Variants in RAP1A observed in about 807,000 individuals in gnomAD.
RAP1A encodes RAP1A, member of RAS oncogene family, also known as ras-related protein Rap-1A.
In RAP1A, 6 loss-of-function variants were observed where a neutral mutation model predicts 26.4. That is an observed-to-expected ratio of 0.23 (90% CI 0.12 to 0.45). The LOEUF (loss-of-function observed/expected upper bound fraction) is 0.45, where lower values mean the gene tolerates loss of function less well. Among genes scored for constraint, RAP1A ranks in the 20% least tolerant of loss-of-function variants. The pLI is 0.99. For missense variants in RAP1A, 121 were observed against 217.2 expected, an observed-to-expected ratio of 0.56 and a Z score of 2.78; for synonymous variants, 73 against 79.4, an observed-to-expected ratio of 0.92 and a Z score of 0.43.
chr1:111,693,628 C>T (rs541016850), intron 2 of RAP1A, among the ~76,000 whole-genome samples: 1 of 152,268 alleles, frequency 6.6e-6, no homozygotes, highest in Non-Finnish European at 1.5e-5. Flanking sequence ...GATTGTTTTG[C>T]ATTTTTGCAA....
chr1:111,621,654 G>A (rs907226698), intron 1 of RAP1A, among the ~76,000 whole-genome samples: 1 of 152,128 alleles, frequency 6.6e-6, no homozygotes, highest in Non-Finnish European at 1.5e-5. Context: ...TTGTAAGATA[G>A]TAATTCTTAA....
chr1:111,707,524 A>C (rs975129431), intron 6 of RAP1A, among the ~76,000 whole-genome samples: 1 of 152,234 alleles, frequency 6.6e-6, no homozygotes, highest in East Asian at 1.9e-4. Context: ...ACATTGTCTT[A>C]CACAACCACA....
At chr1:111,614,573 G>A (rs1658982331) in intron 1 of RAP1A, among the ~76,000 whole-genome samples, 1 of 152,180 alleles carries the variant, frequency 6.6e-6, no homozygotes, top group Admixed American at 6.5e-5. Flanking sequence ...TAAGTTTGGG[G>A]AGGAAGAAAT....
chr1:111,550,472 T>C (rs1336060514), intron 1 of RAP1A, among the ~76,000 whole-genome samples: 3 of 152,212 alleles, frequency 2.0e-5, no homozygotes, highest in African/African-American at 7.2e-5. Flanking sequence ...CAACTAACTG[T>C]AAATTTCCCT....
rs187574867 is a variant in RAP1A, at chr1:111,624,553, A to G, written c.-28+4619A>G. Among the ~76,000 whole-genome samples, 196 of 152,316 alleles carry G rather than the reference A, an allele frequency of 1.3e-3. 1 individual carries two copies. Among genetic ancestry groups the G allele is most frequent in the Non-Finnish European group, 2.0e-3 (136 of 68,010 alleles). On this transcript the variant is annotated intron_variant, in intron 1 of 7. Coordinates refer to ENST00000369709, the MANE Select transcript of RAP1A (RefSeq NM_002884.4). ...AATGATCCAGATGAGTATTGAACCT[A>G]TAAGCTTAGCTTTGTTCATTATCAT... is the stretch of plus-strand genomic sequence containing the variant.
chr1:111,612,833 G>C (rs1181298542), intron 1 of RAP1A, among the ~76,000 whole-genome samples: 1 of 152,148 alleles, frequency 6.6e-6, no homozygotes, highest in Admixed American at 6.5e-5. Flanking sequence ...AATAGTAATA[G>C]ATATATTTAT....
intron 1 of RAP1A, chr1:111,648,448 G>C (rs374978070): frequency 1.8e-6 from 1 of 558,338 alleles, no homozygotes; most frequent in Non-Finnish European, 3.3e-6. Context: ...GGTAGGTGGC[G>C]ATCTCAGCCT....
intron 1 of RAP1A, among the ~76,000 whole-genome samples, chr1:111,672,097 C>T (rs953478286): frequency 2.1e-5 from 3 of 143,526 alleles, no homozygotes; most frequent in Non-Finnish European, 4.5e-5. Flanking sequence ...TTCTATATGT[C>T]TCTTAAGTTG....
intron 1 of RAP1A, chr1:111,600,149 C>T (rs1343273378): frequency 6.6e-6 from 1 of 152,280 alleles, no homozygotes; most frequent in Non-Finnish European, 1.5e-5. Flanking sequence ...TACTCAGCCT[C>T]AGGTGTTTAT....
At chr1:111,711,226 A>G (rs1662375235) in intron 7 of RAP1A, among the ~76,000 whole-genome samples, 1 of 152,186 alleles carries the variant, frequency 6.6e-6, no homozygotes, top group South Asian at 2.1e-4. Flanking sequence ...GTGCAAAGAT[A>G]GAGAAAATGA....
chr1:111,562,419 A>AAAT (rs1207580347), intron 1 of RAP1A, among the ~76,000 whole-genome samples: 1 of 152,226 alleles, frequency 6.6e-6, no homozygotes, highest in Non-Finnish European at 1.5e-5. Context: ...TAAATTAAAC[A>AAAT]AATAACCATA....
intron 1 of RAP1A, among the ~76,000 whole-genome samples, chr1:111,555,362 TAAAAAAAAAAAAAA>T (rs397981230): frequency 4.2e-5 from 2 of 47,650 alleles, no homozygotes; most frequent in African/African-American, 2.4e-4. Flanking sequence ...TGAGACTCTG[TAAAAAAAAAAAAAA>T]AAAAAAAAAA....
chr1:111,679,887 A>G (rs986691409), intron 1 of RAP1A, among the ~76,000 whole-genome samples: 1 of 152,220 alleles, frequency 6.6e-6, no homozygotes, highest in Non-Finnish European at 1.5e-5. Flanking sequence ...CAGCAGCCCC[A>G]GTCAGGGGCT....
At chr1:111,625,144 A>G (rs2364816) in intron 1 of RAP1A, among the ~76,000 whole-genome samples, 47,482 of 152,068 alleles carry the variant, frequency 0.31, 7,770 homozygotes, top group East Asian at 0.47. Context: ...AAAAGATACT[A>G]TTGGGTTAAT....
chr1:111,642,168 C>A (rs1037321836), intron 1 of RAP1A, among the ~76,000 whole-genome samples: 2 of 152,192 alleles, frequency 1.3e-5, no homozygotes, highest in African/African-American at 4.8e-5. Flanking sequence ...TCACGTGAAC[C>A]CGGGAGGCGG....
chr1:111,552,827 C>T (rs1657323380), intron 1 of RAP1A, among the ~76,000 whole-genome samples: 1 of 152,296 alleles, frequency 6.6e-6, no homozygotes, highest in Admixed American at 6.5e-5. Context: ...AAAAGTATTG[C>T]TATGAGGATT....
At chr1:111,644,427 C>T (rs554411814) in intron 1 of RAP1A, among the ~76,000 whole-genome samples, 2 of 152,252 alleles carry the variant, frequency 1.3e-5, no homozygotes, top group South Asian at 4.1e-4. Context: ...TGCTTCCTCA[C>T]ATCACTCTAA....
At chr1:111,636,153 T>G (rs1456769415) in intron 1 of RAP1A, among the ~76,000 whole-genome samples, 1 of 152,140 alleles carries the variant, frequency 6.6e-6, no homozygotes, top group Non-Finnish European at 1.5e-5. Context: ...GTCTGTTAAC[T>G]AGAGAATTGA....
chr1:111,692,929 C>G (rs1467361562), intron 2 of RAP1A, among the ~76,000 whole-genome samples: 1 of 152,066 alleles, frequency 6.6e-6, no homozygotes, highest in Non-Finnish European at 1.5e-5. Flanking sequence ...CACTGCATAG[C>G]CTTTTGTGCC....
Sources: allele counts gnomAD v4.1 joint callset (sites outside exome capture counted in the v4.1 genomes callset), GRCh38; gene constraint gnomAD v4.1.1; transcripts MANE v1.5; gene names NCBI Gene and HGNC (gene_info 2026-07-23, HGNC 2026-07-21).